Variants in ABCB1 observed in about 807,000 individuals in gnomAD.
The protein encoded by ABCB1 is ATP-dependent translocase ABCB1.
A neutral mutation model predicts 142.0 loss-of-function variants in ABCB1; 69 were observed. The observed-to-expected ratio is 0.49, with a 90% confidence interval of 0.40 to 0.59. The LOEUF is 0.59. Among genes scored for constraint, ABCB1 ranks in the 20% least tolerant of loss-of-function variants. The pLI is 0.00. For synonymous variants in ABCB1, 532 were observed against 539.2 expected (o/e 0.99, Z 0.18); for missense variants, 1,326 against 1,554.7 (o/e 0.85, Z 2.47).
chr7:87,579,804 A>G (rs1301170607), intron 4 of ABCB1, among the ~76,000 whole-genome samples: 1 of 151,882 alleles, frequency 6.6e-6, no homozygotes, highest in African/African-American at 2.4e-5. Flanking sequence ...TTAATTTTTT[A>G]TGTATCTGCT....
At chr7:87,532,517 T>C (rs1476016766) in intron 20 of ABCB1, among the ~76,000 whole-genome samples, 1 of 152,154 alleles carries the variant, frequency 6.6e-6, no homozygotes, top group Admixed American at 6.6e-5. Flanking sequence ...CTAATTATAA[T>C]GTATTAGCAT....
At chr7:87,572,732 A>C (rs1818100302) in intron 4 of ABCB1, among the ~76,000 whole-genome samples, 1 of 152,188 alleles carries the variant, frequency 6.6e-6, no homozygotes, top group African/African-American at 2.4e-5. Context: ...AAAGAATGAG[A>C]TCATGTCCTT....
chr7:87,679,551 A>G (rs1355119271), intron 1 of ABCB1, among the ~76,000 whole-genome samples: 1 of 149,830 alleles, frequency 6.7e-6, no homozygotes, highest in Non-Finnish European at 1.5e-5. Flanking sequence ...CACTACACCC[A>G]GCTAATTTTT....
chr7:87,664,798 A>T (rs1346078783), intron 1 of ABCB1, among the ~76,000 whole-genome samples: 2 of 152,178 alleles, frequency 1.3e-5, no homozygotes, highest in Non-Finnish European at 2.9e-5. Flanking sequence ...AGAGATTAAT[A>T]TAGAAAATAC....
intron 1 of ABCB1, among the ~76,000 whole-genome samples, chr7:87,661,008 A>G (rs1824648506): frequency 6.6e-6 from 1 of 151,960 alleles, no homozygotes; most frequent in South Asian, 2.1e-4. Context: ...TGAGAAGAAG[A>G]TGTATTCTTA....
chr7:87,632,408 A>G (rs998560988), intron 1 of ABCB1, among the ~76,000 whole-genome samples: 1 of 152,160 alleles, frequency 6.6e-6, no homozygotes, highest in African/African-American at 2.4e-5. Context: ...TTTTTAGTGA[A>G]CATTTACATG....
rs554943613 is a variant in ABCB1, at chr7:87,619,677, A to G, written c.-330-18599T>C. On this transcript the variant is annotated intron_variant, in intron 1 of 28. Transcript: ENST00000265724. ...ATGAGTTGAAGATTGCTGCTGTCCA[A>G]TTTTTGAACACTAAGCAGAAATCGT... is the stretch of plus-strand genomic sequence containing the variant. Among the ~76,000 whole-genome samples the G allele has an allele frequency of 2.2e-3, 335 of 152,124 alleles. 2 individuals carry two copies. The highest frequency in any genetic ancestry group is 7.9e-3 in the African/African-American group (327 of 41,494).
chr7:87,688,186 T>C (rs1448932129), intron 1 of ABCB1, among the ~76,000 whole-genome samples: 1 of 152,066 alleles, frequency 6.6e-6, no homozygotes, highest in Non-Finnish European at 1.5e-5. Context: ...TCTCAGAAAA[T>C]CATCGTATTC....
chr7:87,513,282 T>C (rs1413265850), intron 25 of ABCB1, among the ~76,000 whole-genome samples: 1 of 152,204 alleles, frequency 6.6e-6, no homozygotes, highest in Non-Finnish European at 1.5e-5. Context: ...TTTGTAAGCA[T>C]GTAATTCCCT....
intron 21 of ABCB1, among the ~76,000 whole-genome samples, chr7:87,523,511 C>T (rs955180202): frequency 6.6e-6 from 1 of 152,050 alleles, no homozygotes; most frequent in Non-Finnish European, 1.5e-5. Context: ...TGCCTTAATC[C>T]CATGCTACTG....
chr7:87,560,882 G>A (rs1817535806), intron 8 of ABCB1, among the ~76,000 whole-genome samples: 1 of 152,086 alleles, frequency 6.6e-6, no homozygotes, highest in Non-Finnish European at 1.5e-5. Context: ...GCATATGTCA[G>A]CTGAATAGGG....
At chr7:87,682,980 T>C (rs1340119219) in intron 1 of ABCB1, among the ~76,000 whole-genome samples, 1 of 152,226 alleles carries the variant, frequency 6.6e-6, no homozygotes, top group African/African-American at 2.4e-5. Context: ...CCTTCATCAG[T>C]TATCTTAGTT....
At chr7:87,526,164 CT>C (rs78401397) in intron 21 of ABCB1, among the ~76,000 whole-genome samples, 15,180 of 144,472 alleles carry the variant, frequency 0.11, 820 homozygotes, top group African/African-American at 0.13. Flanking sequence ...CACCCACCAC[CT>C]TTTTTTTTTT....
At chr7:87,618,596 T>C (rs746124508) in intron 1 of ABCB1, among the ~76,000 whole-genome samples, 35 of 152,214 alleles carry the variant, frequency 2.3e-4, no homozygotes, top group Non-Finnish European at 4.4e-4. Flanking sequence ...TTCACCACTG[T>C]GGTTCACAGA....
chr7:87,527,189 G>T (rs1815819598), intron 21 of ABCB1, among the ~76,000 whole-genome samples: 1 of 151,862 alleles, frequency 6.6e-6, no homozygotes, highest in Non-Finnish European at 1.5e-5. Flanking sequence ...TCCTTTGCTG[G>T]CATTAAATGA....
chr7:87,631,601 G>A lies in ABCB1; in HGVS notation c.-330-30523C>T, dbSNP rs868265042. Among the ~76,000 whole-genome samples the A allele has an allele frequency of 9.1e-4, 138 of 152,290 alleles. No homozygotes were observed. In the Middle Eastern group the frequency reaches 0.01, roughly 11 times the overall value. ...GTAGAGACGGGGTTTCACCGTATTA[G>A]CCAGGATGGTCTCGATCTGCTGACC... On this transcript the variant is annotated intron_variant, in intron 1 of 28. Coordinates refer to the ABCB1 transcript ENST00000265724.
intron 7 of ABCB1, 107 bp from the exon 8 acceptor site, chr7:87,561,494 G>GTTAATGCATTAATTAATGCATTAAT (rs1817562763): frequency 8.8e-7 from 1 of 1,136,756 alleles, no homozygotes. Context: ...TAATGCATGT[G>GTTAATGCATTAATTAATGCATTAAT]TAGAGCAAAA....
chr7:87,544,301 G>C, intron 16 of ABCB1, 26 bp from the exon 17 acceptor site: 1 of 1,610,790 alleles, frequency 6.2e-7, no homozygotes, highest in Non-Finnish European at 8.5e-7. Context: ...TATTACAACA[G>C]GCTAGTTAAA....
chr7:87,629,088 G>T, intron 1 of ABCB1: 1 of 781,914 alleles, frequency 1.3e-6, no homozygotes, highest in Non-Finnish European at 1.8e-6. Context: ...ATCTGTGAGC[G>T]CGCAGCTCCT....
Sources: allele counts gnomAD v4.1 joint callset (sites outside exome capture counted in the v4.1 genomes callset), GRCh38; gene constraint gnomAD v4.1.1; transcripts MANE v1.5; gene names NCBI Gene and HGNC (gene_info 2026-07-23, HGNC 2026-07-21).